DNM3: variants seen among roughly 807,000 people sequenced by gnomAD.
The protein encoded by DNM3 is dynamin 3.
DNM3 carries 47 observed loss-of-function variants against 101.6 expected under a neutral mutation model. The observed-to-expected ratio is 0.46, with a 90% CI of 0.37 to 0.59. The LOEUF (loss-of-function observed/expected upper bound fraction) is 0.59. Among genes scored for constraint, DNM3 ranks in the 20% least tolerant of loss-of-function variants. DNM3 has a pLI of 0.00. For synonymous variants in DNM3, 385 were observed against 387.9 expected (o/e 0.99, Z 0.09); for missense variants, 849 against 1,085.7 (o/e 0.78, Z 3.06).
At chr1:172,356,590 A>T (rs539772194) in intron 17 of DNM3, among the ~76,000 whole-genome samples, 1 of 152,046 alleles carries the variant, frequency 6.6e-6, no homozygotes, top group African/African-American at 2.4e-5. Context: ...TTCTATTATG[A>T]TTCCAGGTCA....
chr1:171,920,048 T>C (rs774950630), intron 1 of DNM3, among the ~76,000 whole-genome samples: 5 of 152,224 alleles, frequency 3.3e-5, no homozygotes, highest in Non-Finnish European at 4.4e-5. Flanking sequence ...ACATTCTAAA[T>C]GAACTTTGGT....
intron 17 of DNM3, among the ~76,000 whole-genome samples, chr1:172,335,891 C>T (rs1472098767): frequency 6.6e-6 from 1 of 152,050 alleles, no homozygotes; most frequent in Non-Finnish European, 1.5e-5. Flanking sequence ...ACCTCAGCAT[C>T]ACATAATATA....
At chr1:172,352,690 A>G (rs1307072627) in intron 17 of DNM3, among the ~76,000 whole-genome samples, 1 of 152,152 alleles carries the variant, frequency 6.6e-6, no homozygotes, top group African/African-American at 2.4e-5. Flanking sequence ...TGGTAAGGAA[A>G]AAGTTGTTAC....
chr1:171,935,026 A>C (rs1307322896), intron 2 of DNM3, among the ~76,000 whole-genome samples: 1 of 152,142 alleles, frequency 6.6e-6, no homozygotes, highest in Non-Finnish European at 1.5e-5. Context: ...AGGAGTGGGG[A>C]ATTTTACTCG....
chr1:172,311,020 A>T (rs1471899482), intron 16 of DNM3: 6 of 152,174 alleles, frequency 3.9e-5, no homozygotes, highest in Non-Finnish European at 7.3e-5. Flanking sequence ...ACATTTCAAG[A>T]TTCTTATTTC....
intron 16 of DNM3, among the ~76,000 whole-genome samples, chr1:172,316,889 C>T (rs1035403302): frequency 6.6e-6 from 1 of 152,146 alleles, no homozygotes; most frequent in Non-Finnish European, 1.5e-5. Flanking sequence ...CCAAGCGGAC[C>T]TAATAGACAT....
intron 20 of DNM3, among the ~76,000 whole-genome samples, chr1:172,396,641 G>T (rs1241199211): frequency 1.3e-5 from 2 of 152,122 alleles, no homozygotes; most frequent in Non-Finnish European, 2.9e-5. Context: ...GCATTATGCT[G>T]CTTTAAATAT....
chr1:172,378,914 C>A, intron 17 of DNM3, 104 bp from the exon 18 acceptor site: 1 of 1,294,434 alleles, frequency 7.7e-7, no homozygotes, highest in Non-Finnish European at 1.0e-6. Flanking sequence ...CTGATATAAA[C>A]TCCAACTATG....
intron 15 of DNM3, among the ~76,000 whole-genome samples, chr1:172,256,036 T>A (rs528097666): frequency 6.6e-6 from 1 of 152,248 alleles, no homozygotes; most frequent in South Asian, 2.1e-4. Context: ...CCTTCTGATG[T>A]TAAACCATCC....
chr1:172,242,316 C>T (rs1484531339), intron 14 of DNM3, among the ~76,000 whole-genome samples: 2 of 152,122 alleles, frequency 1.3e-5, no homozygotes, highest in East Asian at 3.9e-4. Context: ...TTCACCCTGC[C>T]TGGTATCTCT....
At position 171,987,787 on chromosome 1, in the gene DNM3, C is replaced by T. The variant is rs1171386565; in HGVS notation, c.367C>T (p.Arg123Ter). ...CATTTCCTCCATACCCATTAATTTA[C>T]GAGTCTATTCCCCACACGGTAAGTA... ...KGISSIPINL[R>*]VYSPHVLNLT... is the part of the protein sequence containing the mutation. The change falls in exon 3 of 21, where the codon CGA becomes TGA. Residue 123 changes from arginine (R) to a stop codon, truncating the protein, a stop_gained. Coordinates refer to ENST00000627582, the MANE Select transcript of DNM3 (RefSeq NM_015569.5). LOFTEE classifies it high-confidence loss of function. 6 of 1,568,510 alleles carry T rather than the reference C, an allele frequency of 3.8e-6. No homozygotes were observed. The highest frequency in any genetic ancestry group is 1.4e-5 in the African/African-American group (1 of 72,908).
chr1:172,101,157 G>A (rs1024739392), intron 13 of DNM3, among the ~76,000 whole-genome samples: 4 of 152,168 alleles, frequency 2.6e-5, no homozygotes, highest in Non-Finnish European at 5.9e-5. Flanking sequence ...GGTGAAGGCA[G>A]GTACTTGCTG....
intron 12 of DNM3, among the ~76,000 whole-genome samples, chr1:172,086,338 A>G (rs2053530036): frequency 6.6e-6 from 1 of 152,150 alleles, no homozygotes. Context: ...TCACAGTGTA[A>G]CCTGTGATAA....
chr1:172,385,174 T>C (rs2069116028), intron 18 of DNM3, among the ~76,000 whole-genome samples: 2 of 152,252 alleles, frequency 1.3e-5, no homozygotes, highest in African/African-American at 4.8e-5. Context: ...CCATTTTTTA[T>C]ACTACTGCGT....
At chr1:172,020,721 C>CAAAAAAA (rs3051630) in intron 4 of DNM3, among the ~76,000 whole-genome samples, 3,717 of 66,148 alleles carry the variant, frequency 0.056, 176 homozygotes, top group Non-Finnish European at 0.078. Flanking sequence ...GAGACTCCGT[C>CAAAAAAA]AAAAAAAAAA....
At chr1:171,889,705 A>G (rs1353817363) in intron 1 of DNM3, among the ~76,000 whole-genome samples, 1 of 152,242 alleles carries the variant, frequency 6.6e-6, no homozygotes, top group African/African-American at 2.4e-5. Context: ...GACAGGAGAA[A>G]GAATTTTTTT....
In DNM3 at chr1:172,408,060, T is replaced by C. The variant is rs1192407274; in HGVS notation, c.*219T>C. On this transcript the variant is annotated 3_prime_UTR_variant, in exon 21 of 21. Transcript: ENST00000627582. ...CTAACCTTTTAGAGGCTTTATATGT[T>C]GTACTGACCAAGGTAGGTTTGTATA... 1.4e-6 allele frequency: 2 copies of C among 1,392,488 alleles called. No homozygotes were observed. The highest frequency in any genetic ancestry group is 2.6e-5 in the East Asian group (1 of 38,098). 86.3% of individuals were successfully genotyped at this position (1,392,488 alleles called of 1,614,324 possible). A position where few individuals can be genotyped will look rare whatever the true frequency, so the allele number is the denominator to read the frequency against.
At chr1:171,955,287 C>T (rs1270430523) in intron 2 of DNM3, among the ~76,000 whole-genome samples, 4 of 152,184 alleles carry the variant, frequency 2.6e-5, no homozygotes, top group Non-Finnish European at 5.9e-5. Context: ...TAAATGTGCA[C>T]TTATAAAAGA....
chr1:171,848,196 C>T (rs1424276144), intron 1 of DNM3, among the ~76,000 whole-genome samples: 2 of 152,154 alleles, frequency 1.3e-5, no homozygotes, highest in Non-Finnish European at 2.9e-5. Flanking sequence ...AACCCTCACC[C>T]TGCCTCCTCC....
Sources: gnomAD v4.1 joint callset for allele counts (sites outside exome capture counted in the v4.1 genomes callset) on GRCh38, gnomAD v4.1.1 for gene constraint, MANE v1.5 for transcripts, NCBI Gene and HGNC (gene_info 2026-07-23, HGNC 2026-07-21) for gene names.